The following TENT2 variants were observed in gnomAD, a reference collection of about 807,000 sequenced individuals.
The protein encoded by TENT2 is terminal nucleotidyltransferase 2, also known as poly(A) RNA polymerase GLD2.
Under a neutral mutation model 72.2 loss-of-function variants are expected in TENT2, and 44 were observed. The observed-to-expected ratio is 0.61, with a 90% confidence interval of 0.48 to 0.78. TENT2 has a LOEUF of 0.78. Ranked by LOEUF, TENT2 falls within the 30% of genes least tolerant of loss-of-function variation. The pLI is 0.00. For synonymous variants in TENT2, 212 were observed against 192.5 expected, an observed-to-expected ratio of 1.10 and a Z score of -0.84; for missense variants, 541 against 569.6, an observed-to-expected ratio of 0.95 and a Z score of 0.51.
At chr5:79,619,497 A>G (rs1763066526) in intron 1 of TENT2, 115 bp from the exon 2 acceptor site, 2 of 733,468 alleles carry the variant, frequency 2.7e-6, no homozygotes, top group Non-Finnish European at 4.0e-6. Context: ...TTAACTTTGC[A>G]AATAAAATTT....
chr5:79,618,771 T>G (rs780194387), intron 1 of TENT2, among the ~76,000 whole-genome samples: 1 of 152,204 alleles, frequency 6.6e-6, no homozygotes, highest in African/African-American at 2.4e-5. Context: ...TTAAGTTGAT[T>G]AGTTAGCTAC....
chr5:79,667,800 T>G (rs1809534474), intron 11 of TENT2, among the ~76,000 whole-genome samples: 1 of 152,124 alleles, frequency 6.6e-6, no homozygotes, highest in African/African-American at 2.4e-5. Flanking sequence ...TCTACTACCA[T>G]TATTTAGAGA....
chr5:79,647,915 A>G (rs149755741), intron 8 of TENT2, among the ~76,000 whole-genome samples: 75 of 152,332 alleles, frequency 4.9e-4, no homozygotes, highest in Non-Finnish European at 1.0e-3. Context: ...CCCAGGTATC[A>G]ATAGCCAAAT....
At chr5:79,644,505 T>C (rs1787170735) in intron 7 of TENT2, 1 of 152,196 alleles carries the variant, frequency 6.6e-6, no homozygotes, top group Admixed American at 6.5e-5. Flanking sequence ...AATAAAAATA[T>C]GTATGTACAT....
At chr5:79,650,924 G>A (rs1793436343) in intron 10 of TENT2, among the ~76,000 whole-genome samples, 1 of 152,044 alleles carries the variant, frequency 6.6e-6, no homozygotes, top group Non-Finnish European at 1.5e-5. Flanking sequence ...GAGCAGTTCA[G>A]AGGTGAGATT....
In TENT2 at chr5:79,685,554, C is replaced by T. The variant is rs1825787782; in HGVS notation, c.*281C>T. ...AATATATTTTGGGAAATTAACTGAACAAATAAAAAGTTTTTGATATAACTT... is the reference window on the plus strand; with the variant it reads ...AATATATTTTGGGAAATTAACTGAATAAATAAAAAGTTTTTGATATAACTT... On this transcript the variant is annotated 3_prime_UTR_variant, in exon 15 of 15. Coordinates refer to ENST00000453514, the MANE Select transcript of TENT2 (RefSeq NM_001114394.3). 8.6e-6 allele frequency: 2 copies of T among 232,298 alleles called. No homozygotes were observed. The highest frequency in any genetic ancestry group is 1.7e-4 in the South Asian group (2 of 11,636). 14.4% of individuals were successfully genotyped at this position (232,298 alleles called of 1,614,324 possible).
intron 6 of TENT2, among the ~76,000 whole-genome samples, chr5:79,641,707 TG>T (rs10714109): frequency 0.2 from 29,790 of 150,576 alleles, 4,299 homozygotes; most frequent in African/African-American, 0.41. Context: ...ATTTTGCCTT[TG>T]TTTTTTTTTC....
At position 79,645,131 on chromosome 5, in the gene TENT2, A is replaced by G. The variant is rs374784952; in HGVS notation, c.760A>G (p.Ile254Val). 1.9e-5 allele frequency: 30 copies of G among 1,604,210 alleles called. 1 individual carries two copies. The East Asian group carries it at 5.0e-4, about 27-fold the overall frequency. ...KHFCTRLSGY[I>V]ERPQLIRAKV... ...TATCTTTTGTCTTTCAGCGGGCTAC[A>G]TTGAGAGACCTCAGCTGATTCGAGC... Residue 254 changes from isoleucine to valine, a missense_variant, in exon 8 of 15, where the codon ATT becomes GTT. By Grantham distance (29) the Ile-to-Val change is conservative. Coordinates refer to ENST00000453514, the MANE Select transcript of TENT2 (RefSeq NM_001114394.3).
At chr5:79,658,253 A>G (rs983771363) in intron 11 of TENT2, among the ~76,000 whole-genome samples, 8 of 152,130 alleles carry the variant, frequency 5.3e-5, no homozygotes, top group African/African-American at 1.9e-4. Context: ...ATAGCTAAGG[A>G]TCAGTCTTTA....
intron 4 of TENT2, among the ~76,000 whole-genome samples, chr5:79,638,626 G>GC (rs1451868741): frequency 6.6e-6 from 1 of 152,104 alleles, no homozygotes; most frequent in Admixed American, 6.6e-5. Context: ...TTACCTATAA[G>GC]CAATTTGATT....
At chr5:79,650,666 C>G (rs182713579) in intron 10 of TENT2, among the ~76,000 whole-genome samples, 1 of 152,154 alleles carries the variant, frequency 6.6e-6, no homozygotes, top group East Asian at 1.9e-4. Flanking sequence ...TGTTTCTGTA[C>G]TGAGGATACT....
At chr5:79,624,671 G>A (rs1442005415) in intron 4 of TENT2, among the ~76,000 whole-genome samples, 61 of 152,230 alleles carry the variant, frequency 4.0e-4, no homozygotes, top group South Asian at 2.1e-4. Context: ...GTGGCCTTCT[G>A]TGTCTTGCTT....
At chr5:79,653,210 AC>A (rs1795468155) in intron 10 of TENT2, among the ~76,000 whole-genome samples, 1 of 152,174 alleles carries the variant, frequency 6.6e-6, no homozygotes, top group Non-Finnish European at 1.5e-5. Context: ...AGGGCCAGGC[AC>A]AGTGGCTCAT....
intron 8 of TENT2, among the ~76,000 whole-genome samples, chr5:79,646,324 A>T (rs188002713): frequency 1.3e-5 from 2 of 152,188 alleles, no homozygotes; most frequent in Non-Finnish European, 2.9e-5. Context: ...AATGTCTTCA[A>T]ATAGAAGCAC....
rs761656345 is a variant in TENT2, at chr5:79,688,178, ACAGTCATATT to A, written c.*2906_*2915del. 5.9e-5 allele frequency among the ~76,000 whole-genome samples: 9 copies of A among 152,248 alleles called. No homozygotes were observed. Among genetic ancestry groups the A allele is most frequent in the Non-Finnish European group, 1.3e-4 (9 of 68,044 alleles). On this transcript the variant is annotated 3_prime_UTR_variant, in exon 15 of 15. Coordinates refer to ENST00000453514, the MANE Select transcript of TENT2 (RefSeq NM_001114394.3). ...GTAACTGGTGAATAATCCCCAGCTT[ACAGTCATATT>A]TAACAACTCTGTGACTTGCTATAAT...
At chr5:79,616,970 A>G (rs60872022) in intron 1 of TENT2, among the ~76,000 whole-genome samples, 30,832 of 151,932 alleles carry the variant, frequency 0.2, 4,620 homozygotes, top group African/African-American at 0.42. Context: ...AACAAGGAAC[A>G]ATGTTTGTGA....
chr5:79,679,673 A>C lies in TENT2; in HGVS notation c.1300+3A>C. ...AAATAAATACATCTGTGTAGAAGGTAGTTTTCTGTTTACCATCTACGTATC... is the reference window on the plus strand; with the variant it reads ...AAATAAATACATCTGTGTAGAAGGTCGTTTTCTGTTTACCATCTACGTATC... On this transcript the variant is annotated splice_donor_region_variant and intron_variant, in intron 13 of 14. Coordinates refer to ENST00000453514, the MANE Select transcript of TENT2 (RefSeq NM_001114394.3). 6.5e-7 allele frequency: 1 copy of C among 1,528,870 alleles called. No individual in the cohort carries two copies. The highest frequency in any genetic ancestry group is 8.8e-7 in the Non-Finnish European group (1 of 1,130,680). The allele number at this position is 1,528,870 out of a possible 1,614,324, so 94.7% of individuals were successfully genotyped here.
intron 7 of TENT2, 68 bp downstream of exon 7, chr5:79,642,978 A>G: frequency 2.5e-6 from 4 of 1,571,800 alleles, no homozygotes; most frequent in Non-Finnish European, 3.4e-6. Context: ...CTCTTACATT[A>G]TCTTCTGGTA....
rs945217232 is a variant in TENT2, at chr5:79,687,655, C to G, written c.*2382C>G. Among the ~76,000 whole-genome samples the G allele has an allele frequency of 3.9e-5, 6 of 152,160 alleles. No homozygotes were observed. The highest frequency in any genetic ancestry group is 1.4e-4 in the African/African-American group (6 of 41,432). Reference sequence around the variant, plus strand: ...CAACCATTCTGCCTCCTCCCTACCCCCTCCCAAATATTTTTCATCCTGGTT... The same window carrying G: ...CAACCATTCTGCCTCCTCCCTACCCGCTCCCAAATATTTTTCATCCTGGTT... On this transcript the variant is annotated 3_prime_UTR_variant, in exon 15 of 15. Coordinates refer to ENST00000453514, the MANE Select transcript of TENT2 (RefSeq NM_001114394.3).
Sources: allele counts gnomAD v4.1 joint callset (sites outside exome capture counted in the v4.1 genomes callset), GRCh38; gene constraint gnomAD v4.1.1; transcripts MANE v1.5; gene names NCBI Gene and HGNC (gene_info 2026-07-23, HGNC 2026-07-21).